PCDHGB1: variants seen among roughly 807,000 people sequenced by gnomAD.
PCDHGB1 encodes the protein protocadherin gamma-B1.
PCDHGB1 carries 34 observed loss-of-function variants against 56.6 expected under a neutral mutation model. The observed-to-expected ratio is 0.60, with a 90% CI of 0.46 to 0.80. The LOEUF (loss-of-function observed/expected upper bound fraction) is 0.80. Among genes scored for constraint, PCDHGB1 ranks in the 30% least tolerant of loss-of-function variants. The pLI, the probability that PCDHGB1 is intolerant of heterozygous loss-of-function variation, is 0.00. For missense variants in PCDHGB1, 1,278 were observed against 1,204.6 expected (o/e 1.06, Z -0.90); for synonymous variants, 561 against 505.9 (o/e 1.11, Z -1.46).
chr5:141,357,090 G>A (rs765908786), intron 1 of PCDHGB1: 2 of 1,613,880 alleles, frequency 1.2e-6, no homozygotes, highest in East Asian at 2.2e-5. Context: ...GCACCGCACG[G>A]GCCCTGCTGG....
intron 1 of PCDHGB1, chr5:141,357,065 A>G: frequency 6.2e-7 from 1 of 1,613,964 alleles, no homozygotes; most frequent in Non-Finnish European, 8.5e-7. Flanking sequence ...GTGGGGCTGC[A>G]CACAGGCGAG....
chr5:141,364,488 G>A (rs144886424), intron 1 of PCDHGB1: 360 of 1,614,020 alleles, frequency 2.2e-4, no homozygotes, highest in Non-Finnish European at 2.9e-4. Context: ...AAGGACCTTG[G>A]GCTGGAGCCC....
Position 141,351,481 on chromosome 5 carries a change from C to A in PCDHGB1, c.1221C>A (p.Asn407Lys). 1 of 1,613,934 alleles carries A rather than the reference C, an allele frequency of 6.2e-7. No individual in the cohort carries two copies. The highest frequency in any genetic ancestry group is 1.1e-5 in the South Asian group (1 of 91,074). Reference protein sequence around the residue: ...YYKLVIAGALNREQTADYNVT... With the variant: ...YYKLVIAGALKREQTADYNVT... ...AGCTGGTGATTGCTGGAGCCCTAAA[C>A]CGGGAGCAGACAGCAGACTACAACG... Residue 407 changes from asparagine to lysine, a missense_variant, in exon 1 of 4, where the codon AAC becomes AAA. By Grantham distance (94) the Asn-to-Lys change is moderately conservative (BLOSUM62 0). Transcript: ENST00000523390.
intron 1 of PCDHGB1, chr5:141,365,281 G>C (rs752099096): frequency 1.2e-6 from 2 of 1,614,000 alleles, no homozygotes; most frequent in East Asian, 2.2e-5. Flanking sequence ...TCTACCTCAT[G>C]GAAGTGGTAG....
rs1485669709 is a variant in PCDHGB1 at position 141,432,989 on chromosome 5, G to A, written c.2410-61818G>A. On this transcript the variant is annotated intron_variant, in intron 1 of 3. Coordinates refer to ENST00000523390, the MANE Select transcript of PCDHGB1 (RefSeq NM_018922.3). The surrounding 1 kb of genome is among the most constrained non-coding windows in gnomAD (Gnocchi z 6.0). ...GCCGGCGTCGCACTTTGTGGGCGTG[G>A]ACGGGGTGCAGGCTTTCCTGCAGAC... The A allele has an allele frequency of 1.9e-6, 3 of 1,614,210 alleles. No individual in the cohort carries two copies. The highest frequency in any genetic ancestry group is 1.3e-5 in the African/African-American group (1 of 75,066).
chr5:141,393,635 C>T, intron 1 of PCDHGB1: 2 of 1,613,868 alleles, frequency 1.2e-6, no homozygotes, highest in East Asian at 4.5e-5. Context: ...AGGGAATCAA[C>T]GGAAAAGTGG....
intron 1 of PCDHGB1, chr5:141,415,641 T>TAA (rs113784532): frequency 8.4e-5 from 108 of 1,280,644 alleles, no homozygotes; most frequent in African/African-American, 8.0e-4. Flanking sequence ...TTACTTTTGT[T>TAA]AAAAAAAAAA....
At chr5:141,428,196 C>A in intron 1 of PCDHGB1, 2 of 1,383,704 alleles carry the variant, frequency 1.4e-6, no homozygotes, top group Non-Finnish European at 2.0e-6. Context: ...CCGCTCTCTG[C>A]GCCGCTACGC....
chr5:141,372,625 G>A (rs1768925620), intron 1 of PCDHGB1: 8 of 1,614,000 alleles, frequency 5.0e-6, no homozygotes, highest in Non-Finnish European at 6.8e-6. Flanking sequence ...CCCACCTACA[G>A]CGAAAGGACT....
chr5:141,351,803 G>A lies in PCDHGB1; in HGVS notation c.1543G>A (p.Ala515Thr). Reference protein sequence around the residue: ...PQSGVVFAQRAFDHEQLRAFE... With the variant: ...PQSGVVFAQRTFDHEQLRAFE... ...GAGCGGGGTGGTGTTCGCGCAGCGCGCCTTCGACCACGAGCAGCTGCGCGC... is the reference window on the plus strand; with the variant it reads ...GAGCGGGGTGGTGTTCGCGCAGCGCACCTTCGACCACGAGCAGCTGCGCGC... The change falls in exon 1 of 4, where the codon GCC (alanine) becomes ACC (threonine). Residue 515 changes from alanine (A) to threonine (T), a missense_variant. Coordinates refer to ENST00000523390, the MANE Select transcript of PCDHGB1 (RefSeq NM_018922.3). 6.2e-7 allele frequency: 1 copy of A among 1,613,322 alleles called. No homozygotes were observed. Among genetic ancestry groups the A allele is most frequent in the Non-Finnish European group, 8.5e-7 (1 of 1,179,896 alleles).
intron 1 of PCDHGB1, chr5:141,428,284 G>A (rs762469333): frequency 4.2e-5 from 31 of 734,822 alleles, no homozygotes. Flanking sequence ...TGATTCCCAA[G>A]CAAAGCTGCA....
At chr5:141,437,042 A>G (rs1355358776) in intron 1 of PCDHGB1, among the ~76,000 whole-genome samples, 1 of 152,264 alleles carries the variant, frequency 6.6e-6, no homozygotes, top group Non-Finnish European at 1.5e-5. Context: ...CACCGAAACC[A>G]GAAGGCTGGT....
At chr5:141,357,402 T>A (rs1760583395) in intron 1 of PCDHGB1, 1 of 1,614,228 alleles carries the variant, frequency 6.2e-7, no homozygotes, top group Non-Finnish European at 8.5e-7. Context: ...GGTTGGCAGG[T>A]GTGCCTGCCT....
At chr5:141,355,117 AT>A (rs1170633529) in intron 1 of PCDHGB1, 1 of 1,513,660 alleles carries the variant, frequency 6.6e-7, no homozygotes, top group Non-Finnish European at 8.8e-7. Flanking sequence ...AATGCACTTT[AT>A]TTTGGACCCA....
At position 141,351,265 on chromosome 5, in the gene PCDHGB1, C is replaced by G. The variant is rs748596533; in HGVS notation, c.1005C>G (p.Asp335Glu). 62 of 1,613,778 alleles carry G rather than the reference C, an allele frequency of 3.8e-5. No individual in the cohort carries two copies. Among genetic ancestry groups the G allele is most frequent in the Non-Finnish European group, 5.1e-5 (60 of 1,179,846 alleles). Residue 335 changes from aspartate to glutamate, a missense_variant, in exon 1 of 4, where the codon GAC becomes GAG. Physicochemically the swap from Asp to Glu is conservative, Grantham distance 45 (BLOSUM62 2). Transcript: ENST00000523390. ...GTAATGTTCAAATAGAAATTGTTGA[C>G]GAGAATGACAATGCCCCAGAGGTGA... ...AHCNVQIEIVDENDNAPEVTF... is the reference protein window; with the variant it reads ...AHCNVQIEIVEENDNAPEVTF...
intron 1 of PCDHGB1, chr5:141,356,230 G>A (rs551700676): frequency 1.9e-5 from 31 of 1,592,426 alleles, no homozygotes; most frequent in Non-Finnish European, 2.5e-5. Context: ...AAATGACAAC[G>A]CACCAGAAGT....
At chr5:141,422,617 G>T (rs758903894) in intron 1 of PCDHGB1, 3 of 1,613,524 alleles carry the variant, frequency 1.9e-6, no homozygotes, top group Non-Finnish European at 2.5e-6. Context: ...CTACATTCCC[G>T]AAAACAACCC....
chr5:141,491,208 C>G lies in PCDHGB1; in HGVS notation c.2410-3599C>G. 6.2e-7 allele frequency: 1 copy of G among 1,614,204 alleles called. No individual in the cohort carries two copies. Among genetic ancestry groups the G allele is most frequent in the Non-Finnish European group, 8.5e-7 (1 of 1,180,026 alleles). ...TGAGGGACAATGGTGACCCTTCACTCTCCTCCACAGCCACAGTGCTGCTGG... is the reference window on the plus strand; with the variant it reads ...TGAGGGACAATGGTGACCCTTCACTGTCCTCCACAGCCACAGTGCTGCTGG... On this transcript the variant is annotated intron_variant, in intron 1 of 3. Coordinates refer to ENST00000523390, the MANE Select transcript of PCDHGB1 (RefSeq NM_018922.3). This position sits in a 1 kb window ranked among gnomAD's most constrained non-coding sequence, Gnocchi z 6.9.
chr5:141,371,268 T>C (rs757493247), intron 1 of PCDHGB1: 1 of 1,614,026 alleles, frequency 6.2e-7, no homozygotes, highest in Non-Finnish European at 8.5e-7. Flanking sequence ...GAGACAACTG[T>C]TCAAGCTGGA....
Sources: allele counts gnomAD v4.1 joint callset (sites outside exome capture counted in the v4.1 genomes callset), GRCh38; gene constraint gnomAD v4.1.1; non-coding constraint Gnocchi (gnomAD v3.1); transcripts MANE v1.5; gene names NCBI Gene and HGNC (gene_info 2026-07-23, HGNC 2026-07-21).